SVIL: variants seen among roughly 807,000 people sequenced by gnomAD.
SVIL encodes supervillin.
Under a neutral mutation model 240.4 loss-of-function variants are expected in SVIL, and 101 were observed. The ratio of observed to expected loss-of-function variants is 0.42; its 90% confidence interval spans 0.36 to 0.50. The LOEUF is 0.50. SVIL is among the 20% of genes least tolerant of loss of function. The pLI, the probability that SVIL is intolerant of heterozygous loss-of-function variation, is 0.01. For missense variants in SVIL, 2,512 were observed against 2,818.7 expected, an observed-to-expected ratio of 0.89 and a Z score of 2.46; for synonymous variants, 999 against 1,100.0, an observed-to-expected ratio of 0.91 and a Z score of 1.82.
intron 16 of SVIL, 129 bp downstream of exon 16, chr10:29,522,281 A>T: frequency 3.3e-6 from 3 of 917,840 alleles, no homozygotes; most frequent in Non-Finnish European, 4.9e-6. Flanking sequence ...ACTCCAGGAC[A>T]ACAGCACAGT....
At chr10:29,640,988 G>A (rs185866883) in intron 3 of SVIL, among the ~76,000 whole-genome samples, 21 of 152,314 alleles carry the variant, frequency 1.4e-4, no homozygotes, top group Admixed American at 3.9e-4. Context: ...GGTGGATAGC[G>A]CTTGCTTCTT....
upstream of SVIL, among the ~76,000 whole-genome samples, chr10:29,637,260 G>T (rs548831880): frequency 6.6e-6 from 1 of 152,252 alleles, no homozygotes; most frequent in South Asian, 2.1e-4. Context: ...CGAGGCGGGT[G>T]GATCACCTGA....
At chr10:29,637,208 G>A (rs1376470130), upstream of SVIL, among the ~76,000 whole-genome samples, 1 of 152,130 alleles carries the variant, frequency 6.6e-6, no homozygotes, top group African/African-American at 2.4e-5. Context: ...AGTTAGTCTG[G>A]GCGTGGTGGC....
At chr10:29,490,758 C>G in intron 22 of SVIL, 89 bp downstream of exon 22, 1 of 1,536,080 alleles carries the variant, frequency 6.5e-7, no homozygotes, top group Non-Finnish European at 8.9e-7. Flanking sequence ...CATTATTGGC[C>G]TTCACAAGGC....
In SVIL at chr10:29,505,871, C is replaced by T. The variant is rs186598042; in HGVS notation, c.3517-6608G>A. ...AAAAATATATCTAGTTGTCCCTCAG[C>T]GTCTATGGGGGACTGGTTCAAGGAC... On this transcript the variant is annotated intron_variant, in intron 17 of 37. Coordinates refer to ENST00000355867, the MANE Select transcript of SVIL (RefSeq NM_021738.3). Among the ~76,000 whole-genome samples, 182 of 152,188 alleles carry T rather than the reference C, an allele frequency of 1.2e-3. 1 individual carries two copies. Among genetic ancestry groups the T allele is most frequent in the African/African-American group, 4.2e-3 (173 of 41,520 alleles).
At chr10:29,471,927 A>G (rs1453025956) in intron 30 of SVIL, among the ~76,000 whole-genome samples, 1 of 152,162 alleles carries the variant, frequency 6.6e-6, no homozygotes, top group Non-Finnish European at 1.5e-5. Flanking sequence ...GCAGTATTTC[A>G]TATCTAAAAT....
Position 29,485,923 on chromosome 10 carries a change from G to T in SVIL, c.4779+162C>A, listed in dbSNP as rs574423319. 3.3e-5 allele frequency among the ~76,000 whole-genome samples: 5 copies of T among 152,292 alleles called. No individual in the cohort carries two copies. In the South Asian group the frequency reaches 1.0e-3, roughly 32 times the overall value. ...ATTAGCATTTAAGATACCAGTAATG[G>T]TTTGAAATCACAAATATCCTTTAAA... On this transcript the variant is annotated intron_variant, in intron 26 of 37. Coordinates refer to ENST00000355867, the MANE Select transcript of SVIL (RefSeq NM_021738.3).
At chr10:29,696,098 C>T (rs34721644) in intron 1 of SVIL, among the ~76,000 whole-genome samples, 47 of 151,482 alleles carry the variant, frequency 3.1e-4, no homozygotes, top group East Asian at 2.2e-3. Flanking sequence ...ATTGCAGGCG[C>T]GCGCCGCCAC....
chr10:29,536,008 G>T lies in SVIL; in HGVS notation c.889C>A (p.Leu297Ile). Reference sequence around the variant, plus strand: ...GGGTACCTGGAAGGCCAGTTGATAAGTGAAGGTGTGTCCCCTTCGGAATCT... The same window carrying T: ...GGGTACCTGGAAGGCCAGTTGATAATTGAAGGTGTGTCCCCTTCGGAATCT... The part of the protein sequence containing the change: ...QKDSEGDTPS[L>I]INWPSRVKVR... The change falls in exon 7 of 38, where the codon CTT becomes ATT. Residue 297 changes from leucine to isoleucine, a missense_variant. Around this residue, in one of 3 missense-constraint regions of SVIL, gnomAD observed 1,443 missense variants for 1,486.6 expected, o/e 0.97. Coordinates refer to ENST00000355867, the MANE Select transcript of SVIL (RefSeq NM_021738.3). 1 of 1,614,236 alleles carries T rather than the reference G, an allele frequency of 6.2e-7. No homozygotes were observed. Among genetic ancestry groups the T allele is most frequent in the African/African-American group, 1.3e-5 (1 of 75,072 alleles).
intron 1 of SVIL, among the ~76,000 whole-genome samples, chr10:29,599,407 C>T (rs1356091427): frequency 1.3e-5 from 2 of 150,146 alleles, no homozygotes; most frequent in Non-Finnish European, 3.0e-5. Context: ...TTCAGTCTTG[C>T]CTTTTTGTTT....
At chr10:29,713,733 G>A (rs1029725616) in intron 1 of SVIL, among the ~76,000 whole-genome samples, 2 of 152,136 alleles carry the variant, frequency 1.3e-5, no homozygotes, top group South Asian at 2.1e-4. Flanking sequence ...GCTATTTGCC[G>A]ACCACTGATC....
At chr10:29,519,381 G>A (rs1950423051) in intron 16 of SVIL, among the ~76,000 whole-genome samples, 1 of 152,008 alleles carries the variant, frequency 6.6e-6, no homozygotes, top group Non-Finnish European at 1.5e-5. Context: ...TCCCTCCTTT[G>A]GTAAAATGAG....
intron 2 of SVIL, among the ~76,000 whole-genome samples, chr10:29,681,449 G>A (rs2132588126): frequency 6.7e-6 from 1 of 149,490 alleles, no homozygotes; most frequent in South Asian, 2.1e-4. Context: ...GTGTACGTGT[G>A]TTGAGAGAGA....
upstream of SVIL, among the ~76,000 whole-genome samples, chr10:29,636,732 A>G (rs559995708): frequency 2.6e-5 from 4 of 152,352 alleles, no homozygotes; most frequent in Admixed American, 6.5e-5. Flanking sequence ...AAAGATGTCA[A>G]TTGTCCCCAA....
intron 6 of SVIL, among the ~76,000 whole-genome samples, chr10:29,546,985 A>T (rs1952752878): frequency 2.0e-5 from 3 of 152,202 alleles, no homozygotes; most frequent in Non-Finnish European, 4.4e-5. Flanking sequence ...TGTTGATTTT[A>T]AAGTTTTCGG....
At chr10:29,574,746 G>C (rs1955611830) in intron 1 of SVIL, among the ~76,000 whole-genome samples, 1 of 152,186 alleles carries the variant, frequency 6.6e-6, no homozygotes, top group Non-Finnish European at 1.5e-5. Flanking sequence ...CCTGGATTGA[G>C]GTCATAGGGC....
intron 3 of SVIL, among the ~76,000 whole-genome samples, chr10:29,652,018 AACAC>A (rs57155637): frequency 6.7e-6 from 1 of 149,872 alleles, no homozygotes; most frequent in African/African-American, 2.5e-5. Context: ...CACACACACA[AACAC>A]ACACACACAC....
rs748432994 is a variant in SVIL, at chr10:29,531,964, C to A, written c.2009+38G>T. The stretch of plus-strand genomic sequence containing the variant: ...TGGTAAAACTCCTGTGTCATTGCCA[C>A]GTTCCTGGATGAGGAAACTGCGCAT... On this transcript the variant is annotated intron_variant, in intron 9 of 37. Transcript: ENST00000355867. 2.5e-6 allele frequency: 4 copies of A among 1,608,254 alleles called. No homozygotes were observed. The African/African-American group carries it at 5.4e-5, about 22-fold the overall frequency.
At chr10:29,731,560 T>G (rs899659205) in intron 1 of SVIL, among the ~76,000 whole-genome samples, 1 of 152,226 alleles carries the variant, frequency 6.6e-6, no homozygotes, top group Non-Finnish European at 1.5e-5. Flanking sequence ...TTTTAGGTAT[T>G]AGATCCATTC....
Sources: gnomAD v4.1 joint callset for allele counts (sites outside exome capture counted in the v4.1 genomes callset) on GRCh38, gnomAD v4.1.1 for gene constraint, gnomAD v4.1.1 regional missense constraint, MANE v1.5 for transcripts, NCBI Gene and HGNC (gene_info 2026-07-23, HGNC 2026-07-21) for gene names.